Variants in MAP3K14 observed in about 807,000 individuals in gnomAD.
MAP3K14 encodes mitogen-activated protein kinase kinase kinase 14.
Under a neutral mutation model 99.2 loss-of-function variants are expected in MAP3K14, and 16 were observed. The ratio of observed to expected loss-of-function variants is 0.16; its 90% CI spans 0.11 to 0.24. The LOEUF is 0.24. Among genes scored for constraint, MAP3K14 ranks in the 10% least tolerant of loss-of-function variants. MAP3K14 has a pLI of 1.00. For missense variants in MAP3K14, 784 were observed against 1,208.7 expected, an observed-to-expected ratio of 0.65 and a Z score of 5.21; for synonymous variants, 462 against 492.4, an observed-to-expected ratio of 0.94 and a Z score of 0.82.
At chr17:45,305,396 GTT>G (rs35851298) in intron 1 of MAP3K14, among the ~76,000 whole-genome samples, 2 of 113,928 alleles carry the variant, frequency 1.8e-5, no homozygotes. Context: ...GCGCCCGGCC[GTT>G]TTTTTTTTTT....
In MAP3K14 at chr17:45,291,278, C is replaced by T. The variant is rs2044308605; in HGVS notation, c.-20-513G>A. Among the ~76,000 whole-genome samples, 3 of 147,012 alleles carry T rather than the reference C, an allele frequency of 2.0e-5. No homozygotes were observed. In the South Asian group the frequency reaches 6.5e-4, roughly 32 times the overall value. On this transcript the variant is annotated intron_variant, in intron 1 of 15. Transcript: ENST00000344686. ...GAGAAGCAAGGTTCTATTCTGTTCC[C>T]TAGTAGGAGGTAGATATCTGTGTGT... is the stretch of plus-strand genomic sequence containing the variant.
chr17:45,293,929 G>T (rs73303268), intron 1 of MAP3K14, among the ~76,000 whole-genome samples: 5,291 of 152,228 alleles, frequency 0.035, 239 homozygotes, highest in African/African-American at 0.097. Flanking sequence ...TCATGGTTCT[G>T]TACTAAGTCC....
At chr17:45,307,199 A>C (rs558798396) in intron 1 of MAP3K14, among the ~76,000 whole-genome samples, 1 of 152,272 alleles carries the variant, frequency 6.6e-6, no homozygotes, top group East Asian at 1.9e-4. Flanking sequence ...TGGAGGTTGC[A>C]GTGAGCCGAG....
At position 45,306,140 on chromosome 17, in the gene MAP3K14, C is replaced by T. The variant is rs141018344; in HGVS notation, c.-21+10820G>A. Among the ~76,000 whole-genome samples, 174 of 152,260 alleles carry T rather than the reference C, an allele frequency of 1.1e-3. 2 individuals carry two copies. The highest frequency in any genetic ancestry group is 6.8e-3 in the Middle Eastern group (2 of 294). ...TGCGTGCATTTTTTTCTTGAATCCT[C>T]ACAACTCTGTGAGCAAGGCACTAAT... is the stretch of plus-strand genomic sequence containing the variant. On this transcript the variant is annotated intron_variant, in intron 1 of 15. Coordinates refer to ENST00000344686, the MANE Select transcript of MAP3K14 (RefSeq NM_003954.5).
At chr17:45,304,819 GT>G (rs2044418633) in intron 1 of MAP3K14, among the ~76,000 whole-genome samples, 1 of 152,174 alleles carries the variant, frequency 6.6e-6, no homozygotes, top group African/African-American at 2.4e-5. Context: ...TTGAATCTTA[GT>G]TTCTCAATAC....
chr17:45,297,665 A>G (rs771573315), intron 1 of MAP3K14, among the ~76,000 whole-genome samples: 1 of 152,124 alleles, frequency 6.6e-6, no homozygotes, highest in Non-Finnish European at 1.5e-5. Context: ...GAACTCAAAC[A>G]ATATGTTGGT....
intron 1 of MAP3K14, among the ~76,000 whole-genome samples, chr17:45,299,848 C>A (rs923739480): frequency 6.6e-6 from 1 of 151,792 alleles, no homozygotes; most frequent in African/African-American, 2.4e-5. Flanking sequence ...CCAGCACTTT[C>A]GGAGGCCGAG....
intron 6 of MAP3K14, among the ~76,000 whole-genome samples, chr17:45,275,378 G>A (rs757351665): frequency 1.5e-4 from 22 of 151,468 alleles, no homozygotes; most frequent in Non-Finnish European, 1.8e-4. Context: ...TGAGGCAGGA[G>A]AATCACTTGA....
At position 45,264,131 on chromosome 17, in the gene MAP3K14, T is replaced by C. The variant is rs1294159284; in HGVS notation, c.*505A>G. On this transcript the variant is annotated 3_prime_UTR_variant, in exon 16 of 16. Coordinates refer to ENST00000344686, the MANE Select transcript of MAP3K14 (RefSeq NM_003954.5). ...TGGCCAGGTGAGGCCAGGCAAGGGG[T>C]TTAGAGGGCCCCCTTAACCTACGGG... 3.3e-5 allele frequency: 5 copies of C among 152,742 alleles called. No homozygotes were observed. The highest frequency in any genetic ancestry group is 2.0e-4 in the Admixed American group (3 of 15,354). The allele number at this position is 152,742 out of a possible 1,614,324, so 9.5% of individuals were successfully genotyped here. A position where few individuals can be genotyped will look rare whatever the true frequency, so the allele number is the denominator to read the frequency against.
Position 45,286,872 on chromosome 17 carries a change from G to A in MAP3K14, c.711C>T (p.Asn237=), listed in dbSNP as rs763424905. 5.0e-6 allele frequency: 8 copies of A among 1,613,926 alleles called. No individual in the cohort carries two copies. The African/African-American group carries it at 1.1e-4, about 22-fold the overall frequency. The part of the protein sequence containing the change: ...HKLISPLQCL[N]HVWKLHHPQD... ...GGGGGTGGTGCAGTTTCCACACGTG[G>A]TTCAGACATTGCAAGGGGCTGATCA... is the stretch of plus-strand genomic sequence containing the variant. Residue 237 remains asparagine, a synonymous_variant, in exon 5 of 16, where the codon AAC becomes AAT. Coordinates refer to ENST00000344686, the MANE Select transcript of MAP3K14 (RefSeq NM_003954.5). The surrounding 1 kb of genome is among the most constrained non-coding windows in gnomAD (Gnocchi z 4.1).
chr17:45,306,877 G>A (rs2044434426), intron 1 of MAP3K14, among the ~76,000 whole-genome samples: 1 of 152,168 alleles, frequency 6.6e-6, no homozygotes, highest in Non-Finnish European at 1.5e-5. Context: ...AACATGTCGG[G>A]CAAGGTAGTA....
chr17:45,267,516 A>G lies in MAP3K14; in HGVS notation c.2216T>C (p.Met739Thr). ...PLTLSKEESG[M>T]WEPLPLSSLE... ...GGAGGACAGAGGTAAGGGTTCCCAC[A>G]TCCCAGACTCCTCCTTGCTCAAAGT... The change falls in exon 12 of 16, where the codon ATG becomes ACG. Residue 739 changes from methionine (M) to threonine (T), a missense_variant. Physicochemically the swap from Met to Thr is moderately conservative, Grantham distance 81. Around this residue, in one of 5 missense-constraint regions of MAP3K14, gnomAD observed 128 missense variants for 143.3 expected, o/e 0.89. Transcript: ENST00000344686. The surrounding 1 kb of genome is among the most constrained non-coding windows in gnomAD (Gnocchi z 5.1). The G allele has an allele frequency of 6.2e-7, 1 of 1,613,294 alleles. No individual in the cohort carries two copies. Among genetic ancestry groups the G allele is most frequent in the Non-Finnish European group, 8.5e-7 (1 of 1,179,552 alleles).
chr17:45,287,796 C>G (rs2044279474), intron 3 of MAP3K14, among the ~76,000 whole-genome samples: 1 of 152,152 alleles, frequency 6.6e-6, no homozygotes, highest in East Asian at 1.9e-4. Flanking sequence ...CATGGCAGGC[C>G]TCTCAGCTCT....
intron 1 of MAP3K14, among the ~76,000 whole-genome samples, chr17:45,304,011 T>C (rs1029531396): frequency 7.8e-5 from 8 of 102,022 alleles, no homozygotes; most frequent in Non-Finnish European, 1.7e-4. Flanking sequence ...TTTTCTTTTC[T>C]TTTTTTTTTT....
chr17:45,308,572 T>C (rs1031866160), intron 1 of MAP3K14, among the ~76,000 whole-genome samples: 6 of 152,122 alleles, frequency 3.9e-5, no homozygotes, highest in East Asian at 1.9e-4. Context: ...GGTACAACCA[T>C]AGCTTACTAC....
intron 1 of MAP3K14, among the ~76,000 whole-genome samples, chr17:45,304,910 A>G (rs1210140471): frequency 1.3e-5 from 2 of 152,214 alleles, no homozygotes; most frequent in East Asian, 1.9e-4. Context: ...TCAAACCTAC[A>G]TGATAGAATT....
intron 1 of MAP3K14, among the ~76,000 whole-genome samples, chr17:45,298,501 G>A (rs1295348649): frequency 6.6e-6 from 1 of 152,172 alleles, no homozygotes. Flanking sequence ...CATAGAAAGA[G>A]ATGTGCCAGG....
intron 6 of MAP3K14, among the ~76,000 whole-genome samples, chr17:45,280,440 A>G (rs892613666): frequency 6.6e-6 from 1 of 151,028 alleles, no homozygotes; most frequent in Non-Finnish European, 1.5e-5. Flanking sequence ...AGTAGCTGAG[A>G]TTACAGGCAT....
At chr17:45,308,851 A>G (rs2044449711) in intron 1 of MAP3K14, among the ~76,000 whole-genome samples, 1 of 152,018 alleles carries the variant, frequency 6.6e-6, no homozygotes, top group African/African-American at 2.4e-5. Flanking sequence ...TATTTTTAGT[A>G]GAGACGGGTC....
Sources: allele counts gnomAD v4.1 joint callset (sites outside exome capture counted in the v4.1 genomes callset), GRCh38; gene constraint gnomAD v4.1.1; regional missense constraint gnomAD v4.1.1; non-coding constraint Gnocchi (gnomAD v3.1); transcripts MANE v1.5; gene names NCBI Gene and HGNC (gene_info 2026-07-23, HGNC 2026-07-21).